FHIT: variants seen among roughly 807,000 people sequenced by gnomAD.
The protein encoded by FHIT is bis(5'-adenosyl)-triphosphatase.
A neutral mutation model predicts 17.9 loss-of-function variants in FHIT; 19 were observed. That is an observed-to-expected ratio of 1.06 (90% confidence interval 0.74 to 1.56). FHIT has a LOEUF of 1.56. FHIT is among the 40% of genes most tolerant of loss of function. The probability of loss-of-function intolerance (pLI) is 0.00; values close to 1 mark genes in which losing one functional copy is unlikely to be tolerated. For missense variants in FHIT, 248 were observed against 189.2 expected (o/e 1.31, Z -1.82); for synonymous variants, 81 against 69.7 (o/e 1.16, Z -0.81).
At chr3:61,043,518 G>A (rs2033631943) in intron 2 of FHIT, among the ~76,000 whole-genome samples, 1 of 152,198 alleles carries the variant, frequency 6.6e-6, no homozygotes, top group Admixed American at 6.5e-5. Context: ...AAGGAGGCCT[G>A]CCTGCCTGCC....
intron 8 of FHIT, among the ~76,000 whole-genome samples, chr3:59,851,194 G>A (rs1266506659): frequency 1.9e-4 from 5 of 25,974 alleles, no homozygotes; most frequent in Non-Finnish European, 3.5e-4. Flanking sequence ...TGAAGATGGT[G>A]GTAGTAGAGT....
chr3:60,832,227 G>C (rs1220282362), intron 3 of FHIT, among the ~76,000 whole-genome samples: 1 of 149,946 alleles, frequency 6.7e-6, no homozygotes, highest in African/African-American at 2.5e-5. Context: ...AATACAATTA[G>C]ATAAAAAGAA....
intron 5 of FHIT, among the ~76,000 whole-genome samples, chr3:60,102,663 T>C (rs1343356399): frequency 6.6e-6 from 1 of 151,726 alleles, no homozygotes. Flanking sequence ...AATAAAGCAC[T>C]GCTTAACAAT....
chr3:60,770,399 A>G (rs914909023), intron 4 of FHIT, among the ~76,000 whole-genome samples: 3 of 152,162 alleles, frequency 2.0e-5, no homozygotes, highest in Non-Finnish European at 4.4e-5. Flanking sequence ...CCACATCATG[A>G]ATTCTTCCTT....
At chr3:61,132,364 A>C (rs1159531172) in intron 2 of FHIT, among the ~76,000 whole-genome samples, 1 of 152,192 alleles carries the variant, frequency 6.6e-6, no homozygotes, top group Non-Finnish European at 1.5e-5. Context: ...TAGACAATTC[A>C]ATTACAAATA....
At chr3:60,749,390 C>T (rs924400013) in intron 4 of FHIT, among the ~76,000 whole-genome samples, 12 of 152,050 alleles carry the variant, frequency 7.9e-5, no homozygotes, top group East Asian at 5.8e-4. Flanking sequence ...AGTGGGTACC[C>T]GACATTACCA....
At chr3:61,197,183 G>T (rs1459288270) in intron 2 of FHIT, among the ~76,000 whole-genome samples, 3 of 152,140 alleles carry the variant, frequency 2.0e-5, no homozygotes, top group Non-Finnish European at 4.4e-5. Context: ...ATAAACTGAT[G>T]TTATGCATTT....
At chr3:60,835,877 C>T (rs868949553) in intron 3 of FHIT, among the ~76,000 whole-genome samples, 12 of 152,130 alleles carry the variant, frequency 7.9e-5, no homozygotes, top group African/African-American at 2.2e-4. Context: ...GGCCTCCCAT[C>T]GTGTTGGGAT....
intron 8 of FHIT, among the ~76,000 whole-genome samples, chr3:59,770,087 A>C (rs1379636993): frequency 6.6e-6 from 1 of 152,216 alleles, no homozygotes; most frequent in Non-Finnish European, 1.5e-5. Flanking sequence ...CCAGACTTGT[A>C]AGGGAGAAAG....
intron 3 of FHIT, among the ~76,000 whole-genome samples, chr3:60,944,765 GT>G (rs370946510): frequency 3.9e-5 from 6 of 152,304 alleles, no homozygotes; most frequent in African/African-American, 1.4e-4. Context: ...GAGAAAAGTG[GT>G]GAGAAAATTG....
At chr3:61,092,242 G>GA (rs1475500494) in intron 2 of FHIT, among the ~76,000 whole-genome samples, 2 of 151,980 alleles carry the variant, frequency 1.3e-5, no homozygotes, top group Admixed American at 6.6e-5. Flanking sequence ...TTCCCCAAGG[G>GA]AAAAATCTAC....
chr3:60,360,659 T>A (rs1450342447), intron 5 of FHIT, among the ~76,000 whole-genome samples: 2 of 152,170 alleles, frequency 1.3e-5, no homozygotes, highest in Non-Finnish European at 2.9e-5. Context: ...CAAATTCTTT[T>A]CTCTTCCCTT....
intron 4 of FHIT, among the ~76,000 whole-genome samples, chr3:60,553,757 C>T (rs189165505): frequency 1.9e-4 from 29 of 151,964 alleles, no homozygotes; most frequent in African/African-American, 5.8e-4. Flanking sequence ...TCTAAAACAC[C>T]AGCATCAAGG....
chr3:61,062,044 CATATAATACTAT>C (rs1266746677), intron 2 of FHIT, among the ~76,000 whole-genome samples: 2 of 152,024 alleles, frequency 1.3e-5, no homozygotes, highest in East Asian at 1.9e-4. Flanking sequence ...AATGTATAGA[CATATAATACTAT>C]ATATAATACT....
At chr3:60,712,539 A>G (rs868963964) in intron 4 of FHIT, among the ~76,000 whole-genome samples, 7 of 151,996 alleles carry the variant, frequency 4.6e-5, no homozygotes, top group South Asian at 2.1e-4. Flanking sequence ...CCCATCTCAC[A>G]TACAGAGACA....
intron 3 of FHIT, among the ~76,000 whole-genome samples, chr3:60,929,486 C>A (rs1037544124): frequency 1.3e-5 from 2 of 152,150 alleles, no homozygotes; most frequent in African/African-American, 4.8e-5. Context: ...CCAAAATCTC[C>A]TTAAGCTGAT....
chr3:60,422,806 G>A (rs906514352), intron 5 of FHIT, among the ~76,000 whole-genome samples: 4 of 151,880 alleles, frequency 2.6e-5, no homozygotes, highest in South Asian at 2.1e-4. Flanking sequence ...ACTTTCTCAT[G>A]GCTTTCCATC....
intron 5 of FHIT, among the ~76,000 whole-genome samples, chr3:60,508,193 T>C (rs943531389): frequency 1.3e-5 from 2 of 151,786 alleles, no homozygotes; most frequent in Non-Finnish European, 2.9e-5. Flanking sequence ...ATTAGAGAAA[T>C]AGATAGATTT....
At chr3:60,091,621 G>C (rs1358880967) in intron 5 of FHIT, among the ~76,000 whole-genome samples, 1 of 152,160 alleles carries the variant, frequency 6.6e-6, no homozygotes, top group East Asian at 1.9e-4. Context: ...TGTTGGAAGT[G>C]GGGCACGGTG....
Sources: gnomAD v4.1 joint callset for allele counts (sites outside exome capture counted in the v4.1 genomes callset) on GRCh38, gnomAD v4.1.1 for gene constraint, MANE v1.5 for transcripts, NCBI Gene and HGNC (gene_info 2026-07-23, HGNC 2026-07-21) for gene names.